The following BABAM2 variants were observed in gnomAD, a reference collection of about 807,000 sequenced individuals.
The protein encoded by BABAM2 is BRISC and BRCA1-A complex member 2.
BABAM2 carries 31 observed loss-of-function variants against 54.7 expected under a neutral mutation model. That is an observed-to-expected ratio of 0.57 (90% CI 0.43 to 0.77). BABAM2 has a LOEUF of 0.77. Among genes scored for constraint, BABAM2 ranks in the 30% least tolerant of loss-of-function variants. The pLI is 0.00. For missense variants in BABAM2, 364 were observed against 455.8 expected, an observed-to-expected ratio of 0.80 and a Z score of 1.83; for synonymous variants, 167 against 162.9, an observed-to-expected ratio of 1.03 and a Z score of -0.19.
intron 7 of BABAM2, among the ~76,000 whole-genome samples, chr2:28,157,706 G>C (rs1239170480): frequency 2.6e-5 from 4 of 152,182 alleles, no homozygotes; most frequent in Middle Eastern, 3.2e-3. Flanking sequence ...CCAACTCCTT[G>C]GTTCAAGCTA....
At chr2:28,162,341 A>G (rs186480281) in intron 7 of BABAM2, among the ~76,000 whole-genome samples, 9 of 152,216 alleles carry the variant, frequency 5.9e-5, no homozygotes, top group Admixed American at 2.6e-4. Flanking sequence ...TAAAGTAGAG[A>G]CTCCAAAGTC....
intron 3 of BABAM2, among the ~76,000 whole-genome samples, chr2:27,947,435 C>A (rs973240905): frequency 6.6e-6 from 1 of 152,050 alleles, no homozygotes; most frequent in African/African-American, 2.4e-5. Flanking sequence ...TTATATACTT[C>A]TTTTTCCCCT....
At position 28,075,601 on chromosome 2, in the gene BABAM2, G is replaced by A. The variant is rs184449945; in HGVS notation, c.570+29802G>A. Among the ~76,000 whole-genome samples, 5 of 151,890 alleles carry A rather than the reference G, an allele frequency of 3.3e-5. No homozygotes were observed. In the East Asian group the frequency reaches 9.6e-4, roughly 29 times the overall value. ...GTGCGTGTGTGTGTGCATGCAGTGT[G>A]TCTTTTTAGGGGCCGTCACCTGCTT... is the stretch of plus-strand genomic sequence containing the variant. On this transcript the variant is annotated intron_variant, in intron 6 of 11. Coordinates refer to ENST00000379624, the MANE Select transcript of BABAM2 (RefSeq NM_199191.3).
chr2:28,099,017 T>A (rs1016257300), intron 6 of BABAM2, among the ~76,000 whole-genome samples: 10 of 152,148 alleles, frequency 6.6e-5, no homozygotes, highest in African/African-American at 2.4e-4. Flanking sequence ...CTTGTTTTGA[T>A]CTCTTGTTCA....
At chr2:28,073,433 G>A (rs1664356989) in intron 6 of BABAM2, among the ~76,000 whole-genome samples, 1 of 152,168 alleles carries the variant, frequency 6.6e-6, no homozygotes, top group African/African-American at 2.4e-5. Context: ...CAAAATTTAA[G>A]GTTGAAGTAA....
chr2:28,064,585 A>G (rs916712870), intron 6 of BABAM2, among the ~76,000 whole-genome samples: 1 of 152,178 alleles, frequency 6.6e-6, no homozygotes, highest in African/African-American at 2.4e-5. Context: ...CCTATACTCT[A>G]ATGTTCAATT....
rs552549095 is a variant in BABAM2, at chr2:28,158,492, A to G, written c.680+29112A>G. 2.6e-5 allele frequency among the ~76,000 whole-genome samples: 4 copies of G among 152,338 alleles called. No homozygotes were observed. The South Asian group carries it at 6.2e-4, about 24-fold the overall frequency. On this transcript the variant is annotated intron_variant, in intron 7 of 11. Coordinates refer to ENST00000379624, the MANE Select transcript of BABAM2 (RefSeq NM_199191.3). ...GGCGGCCCTAAAACTACCAGCAGCA[A>G]AAGTGGTTTCAGAGTGGGACTATCT...
At position 28,052,577 on chromosome 2, in the gene BABAM2, C is replaced by A. The variant is rs770263338; in HGVS notation, c.570+6778C>A. Among the ~76,000 whole-genome samples the A allele has an allele frequency of 1.4e-3, 212 of 152,132 alleles. 1 individual carries two copies. The highest frequency in any genetic ancestry group is 3.4e-3 in the Middle Eastern group (1 of 292). Reference sequence around the variant, plus strand: ...TGCTGAGATTATAGGTGTGAGCCACCACACCCGGCCGTAATCATAGAGAAG... The same window carrying A: ...TGCTGAGATTATAGGTGTGAGCCACAACACCCGGCCGTAATCATAGAGAAG... On this transcript the variant is annotated intron_variant, in intron 6 of 11. Transcript: ENST00000379624.
intron 7 of BABAM2, among the ~76,000 whole-genome samples, chr2:28,231,715 T>A (rs1273708930): frequency 6.8e-6 from 1 of 147,134 alleles, no homozygotes; most frequent in South Asian, 2.1e-4. Flanking sequence ...CTTGGAGTGC[T>A]TGGTGCTATT....
At chr2:27,901,938 C>T (rs1056539587) in intron 2 of BABAM2, among the ~76,000 whole-genome samples, 36 of 152,122 alleles carry the variant, frequency 2.4e-4, no homozygotes, top group Non-Finnish European at 4.0e-4. Context: ...ATATATTCAT[C>T]TATATCTTGC....
At chr2:28,013,219 A>G (rs1453906280) in intron 4 of BABAM2, among the ~76,000 whole-genome samples, 2 of 152,170 alleles carry the variant, frequency 1.3e-5, no homozygotes, top group Non-Finnish European at 2.9e-5. Context: ...GAAACTAGAC[A>G]TGTGAAGTAT....
intron 6 of BABAM2, among the ~76,000 whole-genome samples, chr2:28,062,996 T>A (rs1052633979): frequency 7.2e-5 from 11 of 152,194 alleles, no homozygotes; most frequent in African/African-American, 4.8e-5. Flanking sequence ...CCCTTCTTCT[T>A]GTAGTAGTAT....
chr2:28,147,496 C>T (rs1340100515), intron 7 of BABAM2, among the ~76,000 whole-genome samples: 15 of 146,904 alleles, frequency 1.0e-4, no homozygotes, highest in East Asian at 2.0e-4. Flanking sequence ...TTTTTGGAGA[C>T]GGAGTCTCAC....
At position 28,298,502 on chromosome 2, in the gene BABAM2, C is replaced by A. The variant is rs1310154207; in HGVS notation, c.1088+11C>A. 6.2e-7 allele frequency: 1 copy of A among 1,613,920 alleles called. No homozygotes were observed. The highest frequency in any genetic ancestry group is 1.3e-5 in the African/African-American group (1 of 75,072). The stretch of plus-strand genomic sequence containing the variant: ...GGCCAAAAGAGCAAAGTAAGTGAAT[C>A]TGTCGTTATTTCCAACAGGTAAGAG... On this transcript the variant is annotated intron_variant, in intron 11 of 11. Coordinates refer to ENST00000379624, the MANE Select transcript of BABAM2 (RefSeq NM_199191.3).
intron 4 of BABAM2, among the ~76,000 whole-genome samples, chr2:28,023,595 T>C (rs1056367436): frequency 1.7e-4 from 26 of 152,214 alleles, no homozygotes; most frequent in African/African-American, 6.0e-4. Flanking sequence ...ACCCCTCTTA[T>C]TCACTGTATG....
intron 3 of BABAM2, among the ~76,000 whole-genome samples, chr2:27,979,150 C>T (rs1671820162): frequency 6.6e-6 from 1 of 151,784 alleles, no homozygotes; most frequent in Non-Finnish European, 1.5e-5. Context: ...GCCTTAGCCT[C>T]CCAAGTAGCT....
At chr2:28,044,646 A>G (rs990682205) in intron 5 of BABAM2, among the ~76,000 whole-genome samples, 4 of 152,232 alleles carry the variant, frequency 2.6e-5, no homozygotes, top group African/African-American at 4.8e-5. Flanking sequence ...CCACCCACTC[A>G]TACAAATATT....
Position 28,338,884 on chromosome 2 carries a change from G to A in BABAM2, c.*371G>A, listed in dbSNP as rs1453453168. ...TAAGTTCTAAGATTAAATGCCCCTC[G>A]CTGTTCTTCCTCTGAAACTAGTGTC... On this transcript the variant is annotated 3_prime_UTR_variant, in exon 12 of 12. Transcript: ENST00000379624. 5 of 238,206 alleles carry A rather than the reference G, an allele frequency of 2.1e-5. No homozygotes were observed. Among genetic ancestry groups the A allele is most frequent in the Admixed American group, 5.3e-5 (1 of 19,028 alleles). The allele number at this position is 238,206 out of a possible 1,614,324, so 14.8% of individuals were successfully genotyped here. A position where few individuals can be genotyped will look rare whatever the true frequency, so the allele number is the denominator to read the frequency against.
At chr2:28,265,366 G>A (rs185216816) in intron 10 of BABAM2, among the ~76,000 whole-genome samples, 121 of 152,314 alleles carry the variant, frequency 7.9e-4, no homozygotes, top group South Asian at 1.7e-3. Context: ...GGTGGAGGTT[G>A]TAGTGAGCTG....
Sources: allele counts gnomAD v4.1 joint callset (sites outside exome capture counted in the v4.1 genomes callset), GRCh38; gene constraint gnomAD v4.1.1; transcripts MANE v1.5; gene names NCBI Gene and HGNC (gene_info 2026-07-23, HGNC 2026-07-21).